MGAT4C: variants seen among roughly 807,000 people sequenced by gnomAD.
MGAT4C encodes alpha-1,3-mannosyl-glycoprotein 4-beta-N-acetylglucosaminyltransferase C.
A neutral mutation model predicts 40.1 loss-of-function variants in MGAT4C; 19 were observed. That is an observed-to-expected ratio of 0.47 (90% confidence interval 0.33 to 0.70). The LOEUF is 0.70. MGAT4C is among the 30% of genes least tolerant of loss of function. The pLI is 0.02. For synonymous variants in MGAT4C, 181 were observed against 187.1 expected (o/e 0.97, Z 0.27); for missense variants, 491 against 563.2 (o/e 0.87, Z 1.30).
chr12:86,057,229 G>A lies in MGAT4C; in HGVS notation c.-56-7506C>T, dbSNP rs7977980. Among the ~76,000 whole-genome samples the A allele has an allele frequency of 8.4e-3, 1,278 of 152,012 alleles. 22 individuals carry two copies. The highest frequency in any genetic ancestry group is 0.029 in the African/African-American group (1,205 of 41,444). On this transcript the variant is annotated intron_variant, in intron 1 of 4. Coordinates refer to ENST00000611864, the MANE Select transcript of MGAT4C (RefSeq NM_001351288.2). ...GTCTAGCTCTGTGGTTCAGGCTGGAGCACAGTGGCACAATCATGGCTCACT... is the reference window on the plus strand; with the variant it reads ...GTCTAGCTCTGTGGTTCAGGCTGGAACACAGTGGCACAATCATGGCTCACT...
intron 2 of MGAT4C, among the ~76,000 whole-genome samples, chr12:86,441,844 TC>T (rs2136278944): frequency 6.6e-6 from 1 of 152,254 alleles, no homozygotes; most frequent in South Asian, 2.1e-4. Context: ...TGATTTATAA[TC>T]CTTTGGGTAT....
chr12:86,618,137 T>C (rs967422547), intron 2 of MGAT4C, among the ~76,000 whole-genome samples: 2 of 152,154 alleles, frequency 1.3e-5, no homozygotes, highest in African/African-American at 4.8e-5. Flanking sequence ...GATATCATCT[T>C]ATCCAAGTTA....
chr12:86,218,932 G>A (rs1950772116), intron 1 of MGAT4C, among the ~76,000 whole-genome samples: 1 of 152,126 alleles, frequency 6.6e-6, no homozygotes, highest in Admixed American at 6.6e-5. Context: ...TGTAATCTCA[G>A]CATTTTGGGA....
intron 2 of MGAT4C, chr12:86,028,138 T>A: frequency 7.8e-7 from 1 of 1,288,688 alleles, no homozygotes; most frequent in Non-Finnish European, 1.0e-6. Flanking sequence ...CACACTCCTC[T>A]GCACAGTCTT....
At chr12:86,613,119 A>G (rs1962339861) in intron 2 of MGAT4C, among the ~76,000 whole-genome samples, 1 of 152,178 alleles carries the variant, frequency 6.6e-6, no homozygotes, top group Non-Finnish European at 1.5e-5. Flanking sequence ...TTATATATCT[A>G]AATTAAAACA....
chr12:86,344,630 G>A (rs78225224), intron 3 of MGAT4C, among the ~76,000 whole-genome samples: 3,004 of 151,258 alleles, frequency 0.02, 91 homozygotes, highest in African/African-American at 0.068. Context: ...AGTGTTTAAA[G>A]ATTTGTAAGA....
At chr12:86,295,293 C>T (rs1199654137) in intron 4 of MGAT4C, among the ~76,000 whole-genome samples, 3 of 152,060 alleles carry the variant, frequency 2.0e-5, no homozygotes, top group Non-Finnish European at 4.4e-5. Context: ...TTTTATTTTG[C>T]ACTATTTGAT....
chr12:86,534,825 G>C (rs1959042764), intron 2 of MGAT4C, among the ~76,000 whole-genome samples: 1 of 152,078 alleles, frequency 6.6e-6, no homozygotes, highest in African/African-American at 2.4e-5. Flanking sequence ...TTGTTATGAA[G>C]TGTAGGAGCT....
rs1383526637 is a variant in MGAT4C, at chr12:85,976,313, T to TG, written c.*2975dup. 3.3e-5 allele frequency: 5 copies of TG among 151,106 alleles called. No individual in the cohort carries two copies. The highest frequency in any genetic ancestry group is 7.4e-5 in the Non-Finnish European group (5 of 67,218). The allele number at this position is 151,106 out of a possible 1,614,324, so 9.4% of individuals were successfully genotyped here. On this transcript the variant is annotated 3_prime_UTR_variant, in exon 5 of 5. Coordinates refer to ENST00000611864, the MANE Select transcript of MGAT4C (RefSeq NM_001351288.2). The stretch of plus-strand genomic sequence containing the variant: ...ACAAAGTTATAGTTTTCAATGAATA[T>TG]GAAAAAGTTCTTGCATTAACATATT...
intron 1 of MGAT4C, among the ~76,000 whole-genome samples, chr12:86,123,163 T>C (rs1879703890): frequency 6.6e-6 from 1 of 152,138 alleles, no homozygotes; most frequent in South Asian, 2.1e-4. Context: ...TCTTTGTGAA[T>C]GGTATTTCTC....
chr12:85,978,444 T>C lies in MGAT4C; in HGVS notation c.*845A>G, dbSNP rs990440331. On this transcript the variant is annotated 3_prime_UTR_variant, in exon 5 of 5. Transcript: ENST00000611864. Reference sequence around the variant, plus strand: ...CACATGGATTTTAATACAAAATGTATAAAATCAATTTCCAAAAATTTTCTG... The same window carrying C: ...CACATGGATTTTAATACAAAATGTACAAAATCAATTTCCAAAAATTTTCTG... 1.3e-5 allele frequency: 2 copies of C among 152,108 alleles called. No individual in the cohort carries two copies. The highest frequency in any genetic ancestry group is 3.0e-5 in the Non-Finnish European group (2 of 67,666). The allele number at this position is 152,108 out of a possible 1,614,324, so 9.4% of individuals were successfully genotyped here. A position where few individuals can be genotyped will look rare whatever the true frequency, so the allele number is the denominator to read the frequency against.
chr12:86,619,550 T>A (rs1245082255), intron 2 of MGAT4C, among the ~76,000 whole-genome samples: 3 of 152,148 alleles, frequency 2.0e-5, no homozygotes, highest in African/African-American at 7.2e-5. Flanking sequence ...TCCTTTCTCC[T>A]GAAGCTTTGT....
chr12:86,004,968 T>C (rs1299367871), intron 2 of MGAT4C, among the ~76,000 whole-genome samples: 2 of 152,174 alleles, frequency 1.3e-5, no homozygotes, highest in African/African-American at 2.4e-5. Flanking sequence ...CATGACATAA[T>C]TCAATTAGAT....
intron 1 of MGAT4C, among the ~76,000 whole-genome samples, chr12:86,798,840 T>C (rs1417227785): frequency 2.0e-5 from 3 of 151,916 alleles, no homozygotes; most frequent in Non-Finnish European, 4.4e-5. Flanking sequence ...AAATAAAATA[T>C]ATTGTAAAAA....
chr12:86,124,143 A>T (rs1879879915), intron 1 of MGAT4C, among the ~76,000 whole-genome samples: 1 of 152,162 alleles, frequency 6.6e-6, no homozygotes, highest in African/African-American at 2.4e-5. Context: ...TTATGAGTTA[A>T]TTTAAAAATA....
chr12:86,445,955 A>C (rs539994261), intron 2 of MGAT4C, among the ~76,000 whole-genome samples: 223 of 152,186 alleles, frequency 1.5e-3, no homozygotes, highest in African/African-American at 5.0e-3. Flanking sequence ...TTCCTGTTAG[A>C]GTTATATTAA....
intron 2 of MGAT4C, among the ~76,000 whole-genome samples, chr12:86,617,790 C>T (rs1962501844): frequency 6.6e-6 from 1 of 151,460 alleles, no homozygotes; most frequent in Non-Finnish European, 1.5e-5. Flanking sequence ...GATTTTATGG[C>T]TAACACTCAA....
At chr12:86,333,699 C>A (rs1168195706) in intron 4 of MGAT4C, among the ~76,000 whole-genome samples, 3 of 152,038 alleles carry the variant, frequency 2.0e-5, no homozygotes, top group Admixed American at 1.3e-4. Context: ...ATATTAGTCA[C>A]AGAGATTTTT....
intron 2 of MGAT4C, among the ~76,000 whole-genome samples, chr12:86,654,820 C>A (rs1224448085): frequency 6.7e-6 from 1 of 150,298 alleles, no homozygotes; most frequent in Admixed American, 6.7e-5. Flanking sequence ...TTGTGTATTG[C>A]GGTGAAGATA....
Sources: gnomAD v4.1 joint callset for allele counts (sites outside exome capture counted in the v4.1 genomes callset) on GRCh38, gnomAD v4.1.1 for gene constraint, MANE v1.5 for transcripts, NCBI Gene and HGNC (gene_info 2026-07-23, HGNC 2026-07-21) for gene names.